The following C19orf18 variants were observed in gnomAD, a reference collection of about 807,000 sequenced individuals.
The protein encoded by C19orf18 is uncharacterized protein C19orf18.
A neutral mutation model predicts 23.3 loss-of-function variants in C19orf18; 21 were observed. The ratio of observed to expected loss-of-function variants is 0.90; its 90% CI spans 0.64 to 1.30. The LOEUF (loss-of-function observed/expected upper bound fraction) is 1.30, where lower values mean the gene tolerates loss of function less well. Among genes scored for constraint, C19orf18 ranks in the 50% most tolerant of loss-of-function variants. C19orf18 has a pLI of 0.00. For missense variants in C19orf18, 249 were observed against 259.6 expected (o/e 0.96, Z 0.28); for synonymous variants, 96 against 95.2 (o/e 1.01, Z -0.05).
chr19:57,959,435 C>A (rs1269704328), intron 5 of C19orf18, among the ~76,000 whole-genome samples: 1 of 143,494 alleles, frequency 7.0e-6, no homozygotes. Flanking sequence ...CCAGCCTGGC[C>A]AACATGGTGA....
At chr19:57,969,633 A>T (rs1162454096) in intron 3 of C19orf18, among the ~76,000 whole-genome samples, 2 of 137,586 alleles carry the variant, frequency 1.5e-5, no homozygotes, top group African/African-American at 5.4e-5. Context: ...TTGGCCAGGC[A>T]TGGTGGCTCA....
chr19:57,974,045 G>C (rs946876417), intron 2 of C19orf18, 54 bp downstream of exon 2: 73 of 1,544,528 alleles, frequency 4.7e-5, no homozygotes, highest in Non-Finnish European at 8.9e-6. Flanking sequence ...TGGCAGATAA[G>C]AGGACTCCAG....
At chr19:57,962,052 C>G (rs1485135902) in intron 4 of C19orf18, among the ~76,000 whole-genome samples, 1 of 151,084 alleles carries the variant, frequency 6.6e-6, no homozygotes, top group East Asian at 1.9e-4. Flanking sequence ...CTCTTTGGAA[C>G]AGGGTCTCAT....
At chr19:57,967,385 G>A (rs1291722934) in intron 3 of C19orf18, among the ~76,000 whole-genome samples, 1 of 152,250 alleles carries the variant, frequency 6.6e-6, no homozygotes, top group African/African-American at 2.4e-5. Flanking sequence ...GGGAATGAAA[G>A]AGTGAATCGT....
In C19orf18 at chr19:57,973,550, C is replaced by G. The variant is rs150737572; in HGVS notation, c.226+549G>C. ...ACCATCCTGGCTAACACAGTGAAAC[C>G]CTGTCTCTACTAAAAATACAAAAAA... On this transcript the variant is annotated intron_variant, in intron 2 of 5. Coordinates refer to ENST00000314391, the MANE Select transcript of C19orf18 (RefSeq NM_152474.5). 7.2e-3 allele frequency among the ~76,000 whole-genome samples: 1,093 copies of G among 151,900 alleles called. 13 individuals are homozygous for G. Among genetic ancestry groups the G allele is most frequent in the African/African-American group, 0.025 (1,035 of 41,420 alleles).
Position 57,974,401 on chromosome 19 carries a change from A to T in C19orf18, c.32T>A (p.Leu11Ter). 6.2e-7 allele frequency: 1 copy of T among 1,614,098 alleles called. No individual in the cohort carries two copies. Among genetic ancestry groups the T allele is most frequent in the Non-Finnish European group, 8.5e-7 (1 of 1,180,008 alleles). ...TTGGCATTCCATTAAAAACAAAAAC[A>T]AAATGAGGAAACCACTCTGAACCTT... MDKVQSGFLI[L>*]FLFLMECQLH... is the part of the protein sequence containing the mutation. The change falls in exon 1 of 6, where the codon TTG becomes TAG. Residue 11 changes from leucine to a stop codon, truncating the protein, a stop_gained. Transcript: ENST00000314391. LOFTEE classifies it high-confidence loss of function.
intron 5 of C19orf18, 52 bp downstream of exon 5, chr19:57,961,339 C>G: frequency 1.3e-6 from 2 of 1,511,924 alleles, no homozygotes; most frequent in South Asian, 2.6e-5. Flanking sequence ...GAAACGCAAG[C>G]TGCCGCTGCC....
At position 57,968,122 on chromosome 19, in the gene C19orf18, G is replaced by C. The variant is rs1299536260; in HGVS notation, c.269-1490C>G. On this transcript the variant is annotated intron_variant, in intron 3 of 5. Transcript: ENST00000314391. The stretch of plus-strand genomic sequence containing the variant: ...ATCAGCAGCTTTGGTGGCTGGCGAG[G>C]GTTCACTTTCTGGTTCAACAGAGGG... 3.9e-5 allele frequency among the ~76,000 whole-genome samples: 6 copies of C among 152,382 alleles called. No individual in the cohort carries two copies. In the South Asian group the frequency reaches 1.2e-3, roughly 32 times the overall value.
intron 3 of C19orf18, among the ~76,000 whole-genome samples, chr19:57,967,120 T>C (rs1418965329): frequency 1.3e-5 from 2 of 150,136 alleles, no homozygotes; most frequent in East Asian, 2.0e-4. Flanking sequence ...AAACAGACCA[T>C]TGGGGATTGG....
At position 57,958,505 on chromosome 19, in the gene C19orf18, A is replaced by T. The variant is rs2072844267; in HGVS notation, c.*97T>A. The T allele has an allele frequency of 1.3e-6, 1 of 763,558 alleles. No individual in the cohort carries two copies. The highest frequency in any genetic ancestry group is 2.1e-6 in the Non-Finnish European group (1 of 469,472). The allele number at this position is 763,558 out of a possible 1,614,324, so 47.3% of individuals were successfully genotyped here. A position where few individuals can be genotyped will look rare whatever the true frequency, so the allele number is the denominator to read the frequency against. On this transcript the variant is annotated 3_prime_UTR_variant, in exon 6 of 6. Transcript: ENST00000314391. ...ATTTCTTTCTTTGATGTCCTCTTCC[A>T]TAAGGTTCTCTGGGAGCAAGCCACG... is the stretch of plus-strand genomic sequence containing the variant.
At chr19:57,969,136 T>C (rs2072926901) in intron 3 of C19orf18, among the ~76,000 whole-genome samples, 1 of 152,194 alleles carries the variant, frequency 6.6e-6, no homozygotes, top group Admixed American at 6.5e-5. Context: ...TGGTGGGCCA[T>C]GTCTCCTGTT....
At position 57,961,278 on chromosome 19, in the gene C19orf18, G is replaced by GGAAA. The variant is rs10674205; in HGVS notation, c.532+109_532+112dup. 2,106 of 1,118,436 alleles carry GGAAA rather than the reference G, an allele frequency of 1.9e-3. 36 individuals are homozygous for GGAAA. The African/African-American group carries it at 0.029, about 15-fold the overall frequency. 69.3% of individuals were successfully genotyped at this position (1,118,436 alleles called of 1,614,324 possible). On this transcript the variant is annotated intron_variant, in intron 5 of 5. Transcript: ENST00000314391. ...AGAAAGGAAGGAAGAAAGAAAGAAA[G>GGAAA]GAAAGAAAGAAAGAAAAGAAATGCA...
At chr19:57,974,020 C>A in intron 2 of C19orf18, 79 bp downstream of exon 2, 1 of 1,368,870 alleles carries the variant, frequency 7.3e-7, no homozygotes, top group South Asian at 1.2e-5. Context: ...AGCAAGCACA[C>A]AGTACACATT....
chr19:57,974,082 G>C lies in C19orf18; in HGVS notation c.226+17C>G, dbSNP rs544723892. 1 of 1,606,134 alleles carries C rather than the reference G, an allele frequency of 6.2e-7. No homozygotes were observed. The highest frequency in any genetic ancestry group is 8.5e-7 in the Non-Finnish European group (1 of 1,172,852). ...CTACGATTCTCACTCCACTGAATGA[G>C]GAATTCAATGACTCACCCGTGGATC... is the stretch of plus-strand genomic sequence containing the variant. On this transcript the variant is annotated intron_variant, in intron 2 of 5. Transcript: ENST00000314391.
intron 3 of C19orf18, among the ~76,000 whole-genome samples, chr19:57,971,553 C>T (rs931663643): frequency 6.6e-6 from 1 of 152,152 alleles, no homozygotes; most frequent in Non-Finnish European, 1.5e-5. Flanking sequence ...TCACTGCAAC[C>T]TCCACCTCCC....
At chr19:57,965,286 C>T (rs1391122757) in intron 4 of C19orf18, among the ~76,000 whole-genome samples, 1 of 152,084 alleles carries the variant, frequency 6.6e-6, no homozygotes, top group South Asian at 2.1e-4. Flanking sequence ...AGGTGCCCAC[C>T]ACTACGCCCA....
chr19:57,965,675 G>A (rs925813567), intron 4 of C19orf18, among the ~76,000 whole-genome samples: 1 of 152,108 alleles, frequency 6.6e-6, no homozygotes, highest in Non-Finnish European at 1.5e-5. Flanking sequence ...TTGAACCCAG[G>A]AGGCAGAGGT....
At chr19:57,971,503 C>T (rs755280986) in intron 3 of C19orf18, among the ~76,000 whole-genome samples, 1 of 152,108 alleles carries the variant, frequency 6.6e-6, no homozygotes, top group Admixed American at 6.6e-5. Flanking sequence ...GACAGCCTCG[C>T]TCTGTTGCCC....
chr19:57,971,573 C>T (rs557984809), intron 3 of C19orf18, among the ~76,000 whole-genome samples: 8 of 152,260 alleles, frequency 5.3e-5, no homozygotes, highest in South Asian at 2.1e-4. Flanking sequence ...CAGGTTCATG[C>T]GATTCTCCCG....
Sources: allele counts gnomAD v4.1 joint callset (sites outside exome capture counted in the v4.1 genomes callset), GRCh38; gene constraint gnomAD v4.1.1; transcripts MANE v1.5; gene names NCBI Gene and HGNC (gene_info 2026-07-23, HGNC 2026-07-21).